SERPINA1: variants seen among roughly 807,000 people sequenced by gnomAD.
The protein encoded by SERPINA1 is alpha-1-antitrypsin.
A neutral mutation model predicts 25.4 loss-of-function variants in SERPINA1; 21 were observed. That is an observed-to-expected ratio of 0.83 (90% CI 0.59 to 1.19). SERPINA1 has a LOEUF of 1.19. Among genes scored for constraint, SERPINA1 ranks in the 50% most tolerant of loss-of-function variants. The probability of loss-of-function intolerance (pLI) is 0.00; values close to 1 mark genes in which losing one functional copy is unlikely to be tolerated. For synonymous variants in SERPINA1, 218 were observed against 211.1 expected (o/e 1.03, Z -0.29); for missense variants, 546 against 509.0 (o/e 1.07, Z -0.70).
At chr14:94,379,842 C>T (rs1168969817) in intron 3 of SERPINA1, among the ~76,000 whole-genome samples, 11 of 152,250 alleles carry the variant, frequency 7.2e-5, no homozygotes, top group Admixed American at 3.3e-4. Context: ...ATGCCACCTC[C>T]TCTGATATTC....
chr14:94,378,360 A>T lies in SERPINA1; in HGVS notation c.*89T>A. 8.8e-7 allele frequency: 1 copy of T among 1,135,314 alleles called. No individual in the cohort carries two copies. The highest frequency in any genetic ancestry group is 1.3e-5 in the South Asian group (1 of 78,822). The allele number at this position is 1,135,314 out of a possible 1,614,324, so 70.3% of individuals were successfully genotyped here. A position where few individuals can be genotyped will look rare whatever the true frequency, so the allele number is the denominator to read the frequency against. On this transcript the variant is annotated 3_prime_UTR_variant, in exon 5 of 5. Coordinates refer to ENST00000393087, the MANE Select transcript of SERPINA1 (RefSeq NM_000295.5). The stretch of plus-strand genomic sequence containing the variant: ...AAACATGGGAGGGATTTACAGTCAC[A>T]TGCAGGCAGGGACCAGCTCAACCCT...
At position 94,383,142 on chromosome 14, in the gene SERPINA1, G is replaced by A. The variant is rs1595615037; in HGVS notation, c.96C>T (p.Ala32=). The change falls in exon 2 of 5, where the codon GCC becomes GCT. Residue 32 remains alanine, a synonymous_variant. Transcript: ENST00000393087. ...SLAEDPQGDA[A]QKTDTSHHDQ... ...CATGGTGGGATGTATCTGTCTTCTG[G>A]GCAGCATCTCCCTGGGGATCCTCAG... is the stretch of plus-strand genomic sequence containing the variant. 1.9e-6 allele frequency: 3 copies of A among 1,614,086 alleles called. No homozygotes were observed. Among genetic ancestry groups the A allele is most frequent in the African/African-American group, 2.7e-5 (2 of 74,924 alleles).
rs1897077671 is a variant in SERPINA1, at chr14:94,383,176, A to G, written c.62T>C (p.Val21Ala). 2 of 1,614,132 alleles carry G rather than the reference A, an allele frequency of 1.2e-6. No individual in the cohort carries two copies. Among genetic ancestry groups the G allele is most frequent in the Non-Finnish European group, 1.7e-6 (2 of 1,180,032 alleles). The change falls in exon 2 of 5, where the codon GTC (valine) becomes GCC (alanine). Residue 21 changes from valine (V) to alanine (A), a missense_variant. By Grantham distance (64) the Val-to-Ala change is moderately conservative. Transcript: ENST00000393087. Reference sequence around the variant, plus strand: ...TCCCTGGGGATCCTCAGCCAGGGAGACAGGGACCAGGCAGCACAGGCCTGC... The same window carrying G: ...TCCCTGGGGATCCTCAGCCAGGGAGGCAGGGACCAGGCAGCACAGGCCTGC... ...LLAGLCCLVPVSLAEDPQGDA... is the reference protein window; with the variant it reads ...LLAGLCCLVPASLAEDPQGDA...
rs964717472 is a variant in SERPINA1 at position 94,377,041 on chromosome 14, A to T, written c.*1408T>A. 2.6e-5 allele frequency: 4 copies of T among 152,160 alleles called. No homozygotes were observed. The highest frequency in any genetic ancestry group is 5.9e-5 in the Non-Finnish European group (4 of 68,034). 9.4% of individuals were successfully genotyped at this position (152,160 alleles called of 1,614,324 possible). On this transcript the variant is annotated 3_prime_UTR_variant, in exon 5 of 5. Transcript: ENST00000393087. The stretch of plus-strand genomic sequence containing the variant: ...GTGAGTAAGCTTAAGAGAACAGGAG[A>T]CTTGTGTGGGAAACAGTCGGTATCC...
chr14:94,387,627 G>A (rs1897367818), intron 1 of SERPINA1, among the ~76,000 whole-genome samples: 1 of 152,156 alleles, frequency 6.6e-6, no homozygotes, highest in African/African-American at 2.4e-5. Flanking sequence ...CTCAAGTCCA[G>A]CCCAGGTTTC....
chr14:94,379,078 T>G (rs904799629), intron 4 of SERPINA1: 2 of 555,072 alleles, frequency 3.6e-6, no homozygotes, highest in South Asian at 4.5e-5. Context: ...CATCTTTAGC[T>G]GAAATCATTC....
upstream of SERPINA1, among the ~76,000 whole-genome samples, chr14:94,390,178 C>G (rs1897601213): frequency 6.6e-6 from 1 of 151,914 alleles, no homozygotes; most frequent in Admixed American, 6.6e-5. Flanking sequence ...GCTCAGACTC[C>G]CCTCCCCTTC....
Position 94,381,078 on chromosome 14 carries a change from A to G in SERPINA1, c.710T>C (p.Val237Ala), listed in dbSNP as rs6647. Residue 237 changes from valine to alanine, a missense_variant, in exon 3 of 5, where the codon GTG becomes GCG. By Grantham distance (64) the Val-to-Ala change is moderately conservative. Transcript: ENST00000393087. ...TEEEDFHVDQ[V>A]TTVKVPMMKR... ...CATCATAGGCACCTTCACGGTGGTC[A>G]CCTGGTCCACGTGGAAGTCCTCTTC... 0.22 allele frequency: 360,129 copies of G among 1,609,248 alleles called. 47,211 individuals are homozygous for G. The highest frequency in any genetic ancestry group is 0.56 in the African/African-American group (41,290 of 74,352).
At chr14:94,384,229 G>A (rs1239537859) in intron 1 of SERPINA1, 1 of 152,168 alleles carries the variant, frequency 6.6e-6, no homozygotes, top group Non-Finnish European at 1.5e-5. Context: ...CCAGGTGTAT[G>A]AGCCAGGACA....
chr14:94,380,581 T>C (rs1457854936), intron 3 of SERPINA1: 4 of 490,716 alleles, frequency 8.2e-6, no homozygotes, highest in Non-Finnish European at 1.5e-5. Flanking sequence ...GTCCCTGCCC[T>C]GGGCACTGGA....
Position 94,380,949 on chromosome 14 carries a change from T to A in SERPINA1, c.839A>T (p.Asp280Val), listed in dbSNP as rs121912714. 592 of 1,614,164 alleles carry A rather than the reference T, an allele frequency of 3.7e-4. 1 individual carries two copies. The highest frequency in any genetic ancestry group is 6.6e-4 in the Middle Eastern group (4 of 6,062). Reference sequence around the variant, plus strand: ...TTCCAGGTGCTGTAGTTTCCCCTCATCAGGCAGGAAGAAGATGGCGGTGGC... The same window carrying A: ...TTCCAGGTGCTGTAGTTTCCCCTCAACAGGCAGGAAGAAGATGGCGGTGGC... ...GNATAIFFLP[D>V]EGKLQHLENE... is the part of the protein sequence containing the mutation. Residue 280 changes from aspartate (D) to valine (V), a missense_variant, in exon 3 of 5, where the codon GAT becomes GTT. Transcript: ENST00000393087.
At position 94,378,434 on chromosome 14, in the gene SERPINA1, AGGAGCGAGAG is replaced by A. The variant is rs775785700; in HGVS notation, c.*5_*14del. The A allele has an allele frequency of 9.2e-5, 149 of 1,613,266 alleles. No individual in the cohort carries two copies. The highest frequency in any genetic ancestry group is 1.2e-4 in the Non-Finnish European group (139 of 1,179,336). ...GGCCAGGGATGGAGGGGAGGGGTTG[AGGAGCGAGAG>A]GCAGTTATTTTTGGGTGGGATTCAC... is the stretch of plus-strand genomic sequence containing the variant. On this transcript the variant is annotated 3_prime_UTR_variant, in exon 5 of 5. Transcript: ENST00000393087.
intron 3 of SERPINA1, chr14:94,380,509 G>A: frequency 2.9e-6 from 1 of 343,248 alleles, no homozygotes; most frequent in East Asian, 6.8e-5. Flanking sequence ...CTCCACTGCT[G>A]CCTTTGCCAG....
In SERPINA1 at chr14:94,382,784, C is replaced by A; in HGVS notation, c.454G>T (p.Asp152Tyr). 1 of 1,614,268 alleles carries A rather than the reference C, an allele frequency of 6.2e-7. No homozygotes were observed. The highest frequency in any genetic ancestry group is 1.1e-5 in the South Asian group (1 of 91,086). The change falls in exon 2 of 5, where the codon GAT becomes TAT. Residue 152 changes from aspartate (D) to tyrosine (Y), a missense_variant. Transcript: ENST00000393087. ...LFLSEGLKLV[D>Y]KFLEDVKKLY... ...TTTTTAACATCCTCCAAAAACTTAT[C>A]CACTAGCTTCAGGCCCTCGCTGAGG...
Position 94,378,405 on chromosome 14 carries a change from AG to A in SERPINA1, c.*43del, listed in dbSNP as rs772212056. On this transcript the variant is annotated 3_prime_UTR_variant, in exon 5 of 5. Coordinates refer to ENST00000393087, the MANE Select transcript of SERPINA1 (RefSeq NM_000295.5). ...AACCCTTCTTTAATGTCATCCAGGG[AG>A]GGGGCCAGGGATGGAGGGGAGGGGT... 1.6e-5 allele frequency: 25 copies of A among 1,517,426 alleles called. No individual in the cohort carries two copies. The Admixed American group carries it at 2.5e-4, about 15-fold the overall frequency. 94.0% of individuals were successfully genotyped at this position (1,517,426 alleles called of 1,614,324 possible).
chr14:94,385,711 T>A (rs1048532818), intron 1 of SERPINA1, among the ~76,000 whole-genome samples: 5 of 152,188 alleles, frequency 3.3e-5, no homozygotes, highest in African/African-American at 1.2e-4. Context: ...ACAGGTGCCC[T>A]CCTAGACAGG....
At chr14:94,383,347 G>T in intron 1 of SERPINA1, 106 bp from the exon 2 acceptor site, 1 of 1,240,634 alleles carries the variant, frequency 8.1e-7, no homozygotes, top group Non-Finnish European at 1.1e-6. Flanking sequence ...TATTAAACCA[G>T]CCTGTGCCAA....
upstream of SERPINA1, chr14:94,389,704 G>T (rs1897558466): frequency 6.6e-6 from 1 of 152,248 alleles, no homozygotes; most frequent in African/African-American, 2.4e-5. Flanking sequence ...ACGTGCCGTA[G>T]ATACTTGCAG....
intron 1 of SERPINA1, among the ~76,000 whole-genome samples, chr14:94,386,477 C>A (rs951394071): frequency 6.6e-6 from 1 of 152,232 alleles, no homozygotes; most frequent in African/African-American, 2.4e-5. Flanking sequence ...GGCCCTGTCA[C>A]TTACTGGCAG....
Sources: gnomAD v4.1 joint callset for allele counts (sites outside exome capture counted in the v4.1 genomes callset) on GRCh38, gnomAD v4.1.1 for gene constraint, MANE v1.5 for transcripts, NCBI Gene and HGNC (gene_info 2026-07-23, HGNC 2026-07-21) for gene names.